NEO1: variants seen among roughly 807,000 people sequenced by gnomAD.
The protein encoded by NEO1 is neogenin.
Under a neutral mutation model 159.7 loss-of-function variants are expected in NEO1, and 63 were observed. That is an observed-to-expected ratio of 0.39 (90% CI 0.32 to 0.49). The LOEUF is 0.49. Ranked by LOEUF, NEO1 falls within the 20% of genes least tolerant of loss-of-function variation. The probability of loss-of-function intolerance (pLI) is 0.85; values close to 1 mark genes in which losing one functional copy is unlikely to be tolerated. For missense variants in NEO1, 1,615 were observed against 1,831.0 expected (o/e 0.88, Z 2.15); for synonymous variants, 633 against 662.0 (o/e 0.96, Z 0.67).
At position 73,169,643 on chromosome 15, in the gene NEO1, CTTT is replaced by C. The variant is rs35991255; in HGVS notation, c.1016-6741_1016-6739del. On this transcript the variant is annotated intron_variant, in intron 5 of 28. Transcript: ENST00000261908. ...TACCGAAATTATCTGCTCCCCCCTC[CTTT>C]TTTTTTTTTTTTTTTTTTGGAAGAG... is the stretch of plus-strand genomic sequence containing the variant. Among the ~76,000 whole-genome samples, 6 of 105,240 alleles carry C rather than the reference CTTT, an allele frequency of 5.7e-5. No homozygotes were observed. In the East Asian group the frequency reaches 9.2e-4, roughly 16 times the overall value. The allele number at this position is 105,240 out of a possible 152,430, so 69.0% of individuals were successfully genotyped here.
intron 11 of NEO1, among the ~76,000 whole-genome samples, chr15:73,253,104 G>C (rs1164777567): frequency 6.6e-6 from 1 of 152,190 alleles, no homozygotes; most frequent in Non-Finnish European, 1.5e-5. Flanking sequence ...CTTTAGAAGA[G>C]TTCAGAGCTA....
Position 73,108,063 on chromosome 15 carries a change from C to A in NEO1, c.131-8477C>A, listed in dbSNP as rs181853969. On this transcript the variant is annotated intron_variant, in intron 1 of 28. Coordinates refer to ENST00000261908, the MANE Select transcript of NEO1 (RefSeq NM_002499.4). ...AACAAAACCCAAAAGCTTTCATGAA[C>A]GTTCTGTAATTAATGTGAAACAATT... is the stretch of plus-strand genomic sequence containing the variant. Among the ~76,000 whole-genome samples the A allele has an allele frequency of 1.0e-3, 154 of 152,278 alleles. 1 individual carries two copies. The highest frequency in any genetic ancestry group is 3.5e-3 in the Admixed American group (53 of 15,288).
intron 1 of NEO1, among the ~76,000 whole-genome samples, chr15:73,081,770 C>T (rs2069060674): frequency 6.6e-6 from 1 of 151,800 alleles, no homozygotes; most frequent in South Asian, 2.1e-4. Context: ...GAGATAGGGT[C>T]TCACTATGTT....
At chr15:73,067,404 G>A (rs1051708442) in intron 1 of NEO1, among the ~76,000 whole-genome samples, 2 of 151,172 alleles carry the variant, frequency 1.3e-5, no homozygotes, top group Non-Finnish European at 2.9e-5. Context: ...TGATATGATG[G>A]TGTCTATATA....
chr15:73,278,619 C>T (rs2151073210), intron 22 of NEO1, among the ~76,000 whole-genome samples: 1 of 152,298 alleles, frequency 6.6e-6, no homozygotes, highest in African/African-American at 2.4e-5. Context: ...CTTCCACTCT[C>T]CTAGCCATCC....
intron 7 of NEO1, among the ~76,000 whole-genome samples, chr15:73,223,084 C>T (rs1327066351): frequency 6.6e-6 from 1 of 152,082 alleles, no homozygotes; most frequent in Admixed American, 6.5e-5. Context: ...ATTTAATTTC[C>T]ATGTATTTGC....
intron 7 of NEO1, among the ~76,000 whole-genome samples, chr15:73,188,558 T>C (rs2036063777): frequency 6.6e-6 from 1 of 152,226 alleles, no homozygotes. Flanking sequence ...TTCTGTTCTT[T>C]ATCCCTGTCT....
chr15:73,079,892 T>C (rs1173587363), intron 1 of NEO1, among the ~76,000 whole-genome samples: 1 of 152,232 alleles, frequency 6.6e-6, no homozygotes, highest in East Asian at 1.9e-4. Context: ...TTGGCAACTT[T>C]CTTCTAATAG....
intron 5 of NEO1, among the ~76,000 whole-genome samples, chr15:73,138,755 C>CAA (rs11368240): frequency 1.2e-4 from 13 of 109,224 alleles, no homozygotes; most frequent in Non-Finnish European, 1.6e-4. Flanking sequence ...GACTCCGTCT[C>CAA]AAAAAAAAAA....
chr15:73,097,759 C>G (rs1209558981), intron 1 of NEO1, among the ~76,000 whole-genome samples: 1 of 145,640 alleles, frequency 6.9e-6, no homozygotes, highest in African/African-American at 2.5e-5. Flanking sequence ...TTTTCTAATC[C>G]CAGACCTGGA....
intron 7 of NEO1, among the ~76,000 whole-genome samples, chr15:73,221,045 A>G (rs1221601011): frequency 6.6e-6 from 1 of 151,812 alleles, no homozygotes; most frequent in Non-Finnish European, 1.5e-5. Flanking sequence ...TTTTTTCCCC[A>G]TCTTTGTGGT....
chr15:73,214,575 T>G (rs1055488565), intron 7 of NEO1, among the ~76,000 whole-genome samples: 1 of 152,170 alleles, frequency 6.6e-6, no homozygotes, highest in Non-Finnish European at 1.5e-5. Flanking sequence ...AAAGATCAGT[T>G]GGCTGTTAAG....
intron 5 of NEO1, among the ~76,000 whole-genome samples, chr15:73,163,303 T>G (rs2034322309): frequency 6.6e-6 from 1 of 152,214 alleles, no homozygotes; most frequent in Non-Finnish European, 1.5e-5. Flanking sequence ...TTAAAAATTA[T>G]TTAAGTAATG....
intron 5 of NEO1, among the ~76,000 whole-genome samples, chr15:73,138,712 C>T (rs543259524): frequency 8.0e-5 from 12 of 150,798 alleles, no homozygotes; most frequent in Admixed American, 1.3e-4. Flanking sequence ...GCCGAGATCC[C>T]GCCACTGCAC....
In NEO1 at chr15:73,260,373, G is replaced by C; in HGVS notation, c.2306G>C (p.Arg769Thr). 6.2e-7 allele frequency: 1 copy of C among 1,614,070 alleles called. No homozygotes were observed. The highest frequency in any genetic ancestry group is 8.5e-7 in the Non-Finnish European group (1 of 1,179,984). The change falls in exon 15 of 29, where the codon AGA becomes ACA. Residue 769 changes from arginine (R) to threonine (T), a missense_variant. Physicochemically the swap from Arg to Thr is moderately conservative, Grantham distance 71 (BLOSUM62 -1). Around this residue, in one of 3 missense-constraint regions of NEO1, gnomAD observed 1,018 missense variants for 1,115.4 expected, o/e 0.91. Transcript: ENST00000261908. Reference sequence around the variant, plus strand: ...CCAGAGAATCAGAACATTGTGGTCAGAGGTTACGCCATTGGTTATGGCATT... The same window carrying C: ...CCAGAGAATCAGAACATTGTGGTCACAGGTTACGCCATTGGTTATGGCATT... ...TPPENQNIVV[R>T]GYAIGYGIGS... is the part of the protein sequence containing the mutation.
At chr15:73,067,559 C>A (rs1296912164) in intron 1 of NEO1, among the ~76,000 whole-genome samples, 16 of 151,390 alleles carry the variant, frequency 1.1e-4, no homozygotes, top group Admixed American at 1.1e-3. Context: ...ACGCCTTTCT[C>A]CTGCCTCAGC....
At chr15:73,200,670 CTTTTT>C (rs931779531) in intron 7 of NEO1, among the ~76,000 whole-genome samples, 3 of 92,866 alleles carry the variant, frequency 3.2e-5, no homozygotes, top group Non-Finnish European at 4.2e-5. Context: ...ATTCCCTTAT[CTTTTT>C]TTTTTTTTTT....
At chr15:73,210,929 A>T (rs2037520386) in intron 7 of NEO1, among the ~76,000 whole-genome samples, 2 of 152,346 alleles carry the variant, frequency 1.3e-5, no homozygotes, top group South Asian at 4.1e-4. Context: ...GTTAGTTTTT[A>T]GTCATTGAAG....
intron 7 of NEO1, among the ~76,000 whole-genome samples, chr15:73,185,244 A>G (rs189946967): frequency 6.6e-5 from 10 of 152,348 alleles, no homozygotes; most frequent in Admixed American, 5.2e-4. Context: ...TAGAATTTGC[A>G]ACATCAAGAG....
Sources: allele counts gnomAD v4.1 joint callset (sites outside exome capture counted in the v4.1 genomes callset), GRCh38; gene constraint gnomAD v4.1.1; regional missense constraint gnomAD v4.1.1; transcripts MANE v1.5; gene names NCBI Gene and HGNC (gene_info 2026-07-23, HGNC 2026-07-21).